IYD: variants seen among roughly 807,000 people sequenced by gnomAD.
IYD encodes iodotyrosine deiodinase.
Under a neutral mutation model 28.4 loss-of-function variants are expected in IYD, and 25 were observed. The ratio of observed to expected loss-of-function variants is 0.88; its 90% confidence interval spans 0.64 to 1.23. IYD has a LOEUF of 1.23. Among genes scored for constraint, IYD ranks in the 50% most tolerant of loss-of-function variants. The pLI is 0.00. For synonymous variants in IYD, 140 were observed against 130.8 expected (o/e 1.07, Z -0.48); for missense variants, 352 against 357.9 (o/e 0.98, Z 0.13).
intron 1 of IYD, among the ~76,000 whole-genome samples, chr6:150,387,903 T>C (rs1777938325): frequency 6.6e-6 from 1 of 152,160 alleles, no homozygotes; most frequent in Non-Finnish European, 1.5e-5. Context: ...TATAAGCTTG[T>C]CTTTTTTCTC....
At position 150,399,970 on chromosome 6, in the gene IYD, A is replaced by T. The variant is rs1778460635; in HGVS notation, c.*1733A>T. On this transcript the variant is annotated 3_prime_UTR_variant, in exon 5 of 5. Transcript: ENST00000344419. ...ACATTCCGTCCATGGCACCTACTTC[A>T]TAGGGTTTGGCATGCTGCTCGGTAC... 1.3e-5 allele frequency: 2 copies of T among 152,262 alleles called. No individual in the cohort carries two copies. Among genetic ancestry groups the T allele is most frequent in the Admixed American group, 1.3e-4 (2 of 15,272 alleles). 9.4% of individuals were successfully genotyped at this position (152,262 alleles called of 1,614,324 possible).
At chr6:150,370,127 C>G (rs1219420897) in intron 1 of IYD, 12 of 682,786 alleles carry the variant, frequency 1.8e-5, no homozygotes, top group Non-Finnish European at 2.9e-5. Context: ...TAATGATGCC[C>G]CCATCCCCAA....
chr6:150,377,663 T>C (rs1777499120), intron 1 of IYD, among the ~76,000 whole-genome samples: 1 of 152,266 alleles, frequency 6.6e-6, no homozygotes, highest in Admixed American at 6.5e-5. Flanking sequence ...TGCCAAGTCA[T>C]GCATTTAGAC....
intron 3 of IYD, among the ~76,000 whole-genome samples, chr6:150,393,322 G>C (rs187107402): frequency 1.3e-5 from 2 of 152,330 alleles, no homozygotes; most frequent in Admixed American, 1.3e-4. Context: ...TTTATAGGGA[G>C]AAAAGAAATG....
At chr6:150,396,641 A>G (rs960878659) in intron 4 of IYD, 41 of 443,540 alleles carry the variant, frequency 9.2e-5, no homozygotes, top group East Asian at 6.2e-4. Context: ...TTGGGAGGCC[A>G]AGGCGGGCGG....
At chr6:150,387,953 A>AT (rs1777941045) in intron 1 of IYD, among the ~76,000 whole-genome samples, 1 of 151,702 alleles carries the variant, frequency 6.6e-6, no homozygotes, top group African/African-American at 2.4e-5. Flanking sequence ...TCTGGGTCTG[A>AT]TAATTCCAGT....
chr6:150,371,769 T>C (rs1777249138), intron 1 of IYD, among the ~76,000 whole-genome samples: 1 of 152,172 alleles, frequency 6.6e-6, no homozygotes, highest in South Asian at 2.1e-4. Flanking sequence ...TCCACAGATC[T>C]CTTGTATGGG....
At chr6:150,370,170 A>AGTGTAT (rs1291545855) in intron 1 of IYD, among the ~76,000 whole-genome samples, 55 of 151,190 alleles carry the variant, frequency 3.6e-4, no homozygotes, top group Admixed American at 3.6e-3. Flanking sequence ...AGTGTGTGTG[A>AGTGTAT]GTGTATGTGT....
chr6:150,372,280 G>A (rs113184222), intron 1 of IYD, among the ~76,000 whole-genome samples: 2 of 150,254 alleles, frequency 1.3e-5, no homozygotes, highest in African/African-American at 2.5e-5. Context: ...GGGTGGTGAG[G>A]GGTCATTGTG....
intron 1 of IYD, among the ~76,000 whole-genome samples, chr6:150,387,122 T>C (rs1205319929): frequency 6.6e-6 from 1 of 152,216 alleles, no homozygotes; most frequent in East Asian, 1.9e-4. Context: ...AGCTTACCTG[T>C]AGGCAAGAAG....
chr6:150,394,561 C>T (rs1446065396), intron 4 of IYD, among the ~76,000 whole-genome samples: 5 of 152,186 alleles, frequency 3.3e-5, no homozygotes, highest in Non-Finnish European at 5.9e-5. Context: ...CTAAAAGTCA[C>T]AGAGGCTAAC....
chr6:150,396,194 G>T (rs930736573), intron 4 of IYD: 1 of 317,966 alleles, frequency 3.1e-6, no homozygotes, highest in Admixed American at 4.7e-5. Flanking sequence ...ACACTACTGT[G>T]GTTTGCTGCC....
In IYD at chr6:150,398,410, C is replaced by A. The variant is rs917113916; in HGVS notation, c.*173C>A. The A allele has an allele frequency of 1.3e-5, 8 of 615,762 alleles. No homozygotes were observed. Among genetic ancestry groups the A allele is most frequent in the Middle Eastern group, 4.3e-4 (1 of 2,334 alleles). The allele number at this position is 615,762 out of a possible 1,614,324, so 38.1% of individuals were successfully genotyped here. A position where few individuals can be genotyped will look rare whatever the true frequency, so the allele number is the denominator to read the frequency against. On this transcript the variant is annotated 3_prime_UTR_variant, in exon 5 of 5. Coordinates refer to ENST00000344419, the MANE Select transcript of IYD (RefSeq NM_203395.3). ...AGCCTCTCCACACTCTGTGGCACTT[C>A]CAGTCCCATAAATCCTGTTTCTTAT...
At chr6:150,393,174 A>AT (rs1778188047) in intron 3 of IYD, among the ~76,000 whole-genome samples, 2 of 152,220 alleles carry the variant, frequency 1.3e-5, no homozygotes. Flanking sequence ...TCACCCTTGC[A>AT]ATAACCACAG....
intron 1 of IYD, among the ~76,000 whole-genome samples, chr6:150,387,999 A>T (rs979858016): frequency 6.6e-6 from 1 of 152,010 alleles, no homozygotes; most frequent in Non-Finnish European, 1.5e-5. Flanking sequence ...TTATTTTTTT[A>T]AAATTGATTC....
At chr6:150,376,383 T>C (rs1325762625) in intron 1 of IYD, among the ~76,000 whole-genome samples, 1 of 152,084 alleles carries the variant, frequency 6.6e-6, no homozygotes, top group East Asian at 1.9e-4. Context: ...TCCTTCTTCA[T>C]AGGGGATGAG....
intron 1 of IYD, among the ~76,000 whole-genome samples, chr6:150,376,149 T>TC (rs1316308780): frequency 6.6e-6 from 1 of 152,108 alleles, no homozygotes; most frequent in Non-Finnish European, 1.5e-5. Context: ...GTATTACCAC[T>TC]CCCCCTTCAC....
intron 1 of IYD, among the ~76,000 whole-genome samples, chr6:150,385,281 C>T (rs1777818517): frequency 6.6e-6 from 1 of 151,984 alleles, no homozygotes; most frequent in African/African-American, 2.4e-5. Flanking sequence ...TGAGAACATC[C>T]TATTTGTTCT....
chr6:150,388,684 T>TTTCTTTC (rs1777992406), intron 1 of IYD, among the ~76,000 whole-genome samples: 1 of 134,488 alleles, frequency 7.4e-6, no homozygotes, highest in Non-Finnish European at 1.6e-5. Context: ...TCTTTCTTTC[T>TTTCTTTC]TCTTTCCTTC....
Sources: allele counts gnomAD v4.1 joint callset (sites outside exome capture counted in the v4.1 genomes callset), GRCh38; gene constraint gnomAD v4.1.1; transcripts MANE v1.5; gene names NCBI Gene and HGNC (gene_info 2026-07-23, HGNC 2026-07-21).